The following MARK2 variants were observed in gnomAD, a reference collection of about 807,000 sequenced individuals.
MARK2 encodes microtubule affinity regulating kinase 2.
A neutral mutation model predicts 89.8 loss-of-function variants in MARK2; 16 were observed. That is an observed-to-expected ratio of 0.18 (90% CI 0.12 to 0.27). MARK2 has a LOEUF of 0.27. Ranked by LOEUF, MARK2 falls within the 10% of genes least tolerant of loss-of-function variation. The pLI, the probability that MARK2 is intolerant of heterozygous loss-of-function variation, is 1.00. For missense variants in MARK2, 621 were observed against 1,049.9 expected, an observed-to-expected ratio of 0.59 and a Z score of 5.65; for synonymous variants, 382 against 399.5, an observed-to-expected ratio of 0.96 and a Z score of 0.52.
At chr11:63,898,497 G>T (rs181417512) in intron 4 of MARK2, 111 bp from the exon 5 acceptor site, 2 of 938,758 alleles carry the variant, frequency 2.1e-6, no homozygotes, top group Admixed American at 1.9e-5. Flanking sequence ...GGGAGTGGGG[G>T]ATCATGAAAG....
At chr11:63,858,841 G>A (rs1937602379) in intron 1 of MARK2, among the ~76,000 whole-genome samples, 1 of 152,096 alleles carries the variant, frequency 6.6e-6, no homozygotes. Flanking sequence ...CCTCTGTTTT[G>A]CAATTTCTGG....
At chr11:63,844,521 C>T (rs963022983) in intron 1 of MARK2, among the ~76,000 whole-genome samples, 4 of 152,090 alleles carry the variant, frequency 2.6e-5, no homozygotes, top group South Asian at 4.1e-4. Flanking sequence ...TTATGGACTT[C>T]GGAAAGTAGC....
At chr11:63,880,256 G>A (rs975079585) in intron 1 of MARK2, 9 of 149,194 alleles carry the variant, frequency 6.0e-5, no homozygotes, top group Non-Finnish European at 8.9e-5. Context: ...CCCAGCTGCC[G>A]TTTTTAGTTC....
At chr11:63,844,339 C>A (rs139026335) in intron 1 of MARK2, among the ~76,000 whole-genome samples, 32 of 152,178 alleles carry the variant, frequency 2.1e-4, no homozygotes, top group Non-Finnish European at 3.4e-4. Flanking sequence ...TTAAATTTAG[C>A]TGGGCATGGT....
intron 1 of MARK2, among the ~76,000 whole-genome samples, chr11:63,878,091 G>A (rs1034704749): frequency 7.9e-5 from 12 of 152,212 alleles, no homozygotes; most frequent in Non-Finnish European, 1.8e-4. Context: ...CCCCCGCATC[G>A]GTTGCCTAGT....
intron 1 of MARK2, among the ~76,000 whole-genome samples, chr11:63,854,812 CAAAAA>C (rs56392948): frequency 8.5e-6 from 1 of 117,214 alleles, no homozygotes; most frequent in African/African-American, 3.7e-5. Context: ...GACACCATCC[CAAAAA>C]AAAAAAAAAA....
At chr11:63,847,284 TTAA>T (rs2135200227) in intron 1 of MARK2, among the ~76,000 whole-genome samples, 1 of 152,308 alleles carries the variant, frequency 6.6e-6, no homozygotes, top group Non-Finnish European at 1.5e-5. Flanking sequence ...CACCAAATCA[TTAA>T]TTTTAGGCTT....
chr11:63,860,935 CTG>C (rs914286500), intron 1 of MARK2, among the ~76,000 whole-genome samples: 8 of 151,820 alleles, frequency 5.3e-5, no homozygotes, highest in African/African-American at 1.9e-4. Flanking sequence ...TTTTTTAAAA[CTG>C]TTTAATCAAG....
chr11:63,907,013 C>T (rs1941394749), intron 17 of MARK2, among the ~76,000 whole-genome samples: 2 of 152,096 alleles, frequency 1.3e-5, no homozygotes, highest in South Asian at 4.1e-4. Flanking sequence ...CAGGGGTCTC[C>T]CTTCACAGTC....
At chr11:63,878,273 C>T (rs1938886614) in intron 1 of MARK2, among the ~76,000 whole-genome samples, 1 of 152,000 alleles carries the variant, frequency 6.6e-6, no homozygotes, top group South Asian at 2.1e-4. Context: ...TTCCTCATCT[C>T]CATTTGGGTT....
chr11:63,888,443 C>T, intron 1 of MARK2: 1 of 825,136 alleles, frequency 1.2e-6, no homozygotes, highest in Non-Finnish European at 1.5e-6. Flanking sequence ...CCAGCTGTTA[C>T]CCAGCAAAGC....
Position 63,909,252 on chromosome 11 carries a change from CG to C in MARK2, c.*20del. 1.3e-6 allele frequency: 2 copies of C among 1,556,900 alleles called. No individual in the cohort carries two copies. Among genetic ancestry groups the C allele is most frequent in the Non-Finnish European group, 8.7e-7 (1 of 1,143,352 alleles). On this transcript the variant is annotated 3_prime_UTR_variant, in exon 19 of 19. Transcript: ENST00000402010. ...TGAAGCTTTAACAGGCTGCCAGGAG[CG>C]GGGGCGGCGGGGGCGGGCCAGCTGG...
Position 63,900,849 on chromosome 11 carries a change from C to T in MARK2, c.958C>T (p.Leu320Phe). 2 of 1,614,202 alleles carry T rather than the reference C, an allele frequency of 1.2e-6. No individual in the cohort carries two copies. Among genetic ancestry groups the T allele is most frequent in the Non-Finnish European group, 1.7e-6 (2 of 1,180,036 alleles). Residue 320 changes from leucine to phenylalanine, a missense_variant, in exon 10 of 19, where the codon CTC (leucine) becomes TTC (phenylalanine). Leu to Phe is a conservative substitution (Grantham distance 22). Coordinates refer to ENST00000402010, the MANE Select transcript of MARK2 (RefSeq NM_001039469.3). This position sits in a 1 kb window ranked among gnomAD's most constrained non-coding sequence, Gnocchi z 4.7. ...DDELKPYVEPLPDYKDPRRTE... is the reference protein window; with the variant it reads ...DDELKPYVEPFPDYKDPRRTE... ...TGAACTAAAGCCTTACGTGGAGCCA[C>T]TCCCTGACTACAAGGACCCCCGGCG...
chr11:63,881,435 T>C (rs1939083333), intron 1 of MARK2, among the ~76,000 whole-genome samples: 1 of 152,172 alleles, frequency 6.6e-6, no homozygotes, highest in Non-Finnish European at 1.5e-5. Context: ...GAAATTGTGA[T>C]CTTCCTTCCT....
intron 1 of MARK2, among the ~76,000 whole-genome samples, chr11:63,847,621 C>T (rs2016348450): frequency 6.6e-6 from 1 of 151,710 alleles, no homozygotes; most frequent in Admixed American, 6.6e-5. Flanking sequence ...TGGAAGACAA[C>T]TATCTGTCAA....
At chr11:63,906,232 C>G (rs1941325714) in intron 17 of MARK2, 118 bp downstream of exon 17, 4 of 1,191,350 alleles carry the variant, frequency 3.4e-6, no homozygotes, top group Non-Finnish European at 3.2e-6. Context: ...TTAACCAAGT[C>G]TGTGTGGCCC....
intron 3 of MARK2, among the ~76,000 whole-genome samples, chr11:63,897,127 A>T (rs185622468): frequency 0.01 from 1,548 of 152,336 alleles, 27 homozygotes; most frequent in African/African-American, 0.036. Context: ...ACAAGCCCAG[A>T]AAACCCCAAG....
intron 11 of MARK2, among the ~76,000 whole-genome samples, chr11:63,901,293 G>C (rs1187750853): frequency 1.3e-5 from 2 of 152,138 alleles, no homozygotes; most frequent in African/African-American, 2.4e-5. Context: ...CTGGGTCAGA[G>C]TTTCAATACG....
rs1941170615 is a variant in MARK2 at position 63,904,552 on chromosome 11, CAG to C, written c.1677-233_1677-232del. ...TCTCCAGCCTAAACCACACTCCACA[CAG>C]GGGTCCTTCCTTGCCTCCCTCCCTC... is the stretch of plus-strand genomic sequence containing the variant. On this transcript the variant is annotated intron_variant, in intron 15 of 18. Coordinates refer to ENST00000402010, the MANE Select transcript of MARK2 (RefSeq NM_001039469.3). The surrounding 1 kb of genome is among the most constrained non-coding windows in gnomAD (Gnocchi z 6.3). Among the ~76,000 whole-genome samples, 1 of 152,090 alleles carries C rather than the reference CAG, an allele frequency of 6.6e-6. No homozygotes were observed. Among genetic ancestry groups the C allele is most frequent in the Non-Finnish European group, 1.5e-5 (1 of 67,982 alleles).
Sources: allele counts gnomAD v4.1 joint callset (sites outside exome capture counted in the v4.1 genomes callset), GRCh38; gene constraint gnomAD v4.1.1; non-coding constraint Gnocchi (gnomAD v3.1); transcripts MANE v1.5; gene names NCBI Gene and HGNC (gene_info 2026-07-23, HGNC 2026-07-21).